The following MYO1E variants were observed in gnomAD, a reference collection of about 807,000 sequenced individuals.
The protein encoded by MYO1E is unconventional myosin-Ie.
Under a neutral mutation model 151.1 loss-of-function variants are expected in MYO1E, and 68 were observed. The ratio of observed to expected loss-of-function variants is 0.45; its 90% CI spans 0.37 to 0.55. The LOEUF (loss-of-function observed/expected upper bound fraction) is 0.55, where lower values mean the gene tolerates loss of function less well. MYO1E is among the 20% of genes least tolerant of loss of function. The pLI, the probability that MYO1E is intolerant of heterozygous loss-of-function variation, is 0.00. For missense variants in MYO1E, 1,363 were observed against 1,389.3 expected, an observed-to-expected ratio of 0.98 and a Z score of 0.30; for synonymous variants, 601 against 501.7, an observed-to-expected ratio of 1.20 and a Z score of -2.64.
At chr15:59,236,352 G>GAAA (rs57488716) in intron 5 of MYO1E, among the ~76,000 whole-genome samples, 2,478 of 116,624 alleles carry the variant, frequency 0.021, 278 homozygotes, top group Non-Finnish European at 0.029. Context: ...TCTCAAAAAA[G>GAAA]AAAAAAAAAA....
chr15:59,170,594 A>AG (rs1452561080), intron 22 of MYO1E, among the ~76,000 whole-genome samples: 1 of 152,144 alleles, frequency 6.6e-6, no homozygotes, highest in Admixed American at 6.5e-5. Context: ...CTTTAAAAAA[A>AG]AAACAAAAAA....
At chr15:59,139,619 G>T (rs114066441) in intron 26 of MYO1E, among the ~76,000 whole-genome samples, 2,169 of 138,574 alleles carry the variant, frequency 0.016, 50 homozygotes, top group Middle Eastern at 0.056. Context: ...TCTGCAGACG[G>T]CCCTCCTACC....
intron 4 of MYO1E, among the ~76,000 whole-genome samples, chr15:59,250,475 A>C (rs1052694092): frequency 2.6e-5 from 4 of 152,108 alleles, no homozygotes; most frequent in African/African-American, 7.2e-5. Context: ...GAAAACCAGA[A>C]ACTCCACCTC....
intron 1 of MYO1E, among the ~76,000 whole-genome samples, chr15:59,322,706 T>C (rs1387125105): frequency 6.6e-6 from 1 of 152,202 alleles, no homozygotes; most frequent in Admixed American, 6.5e-5. Flanking sequence ...ACAGATTGTA[T>C]TGATTCTAAA....
At chr15:59,157,950 A>T (rs566171564) in intron 25 of MYO1E, among the ~76,000 whole-genome samples, 64 of 152,336 alleles carry the variant, frequency 4.2e-4, no homozygotes, top group Admixed American at 1.5e-3. Context: ...TCCTATTTCC[A>T]TAAAGCAGCA....
At chr15:59,178,690 A>G (rs564253124) in intron 18 of MYO1E, among the ~76,000 whole-genome samples, 153 bp from the exon 19 acceptor site, 7 of 152,350 alleles carry the variant, frequency 4.6e-5, no homozygotes, top group Admixed American at 1.3e-4. Context: ...TCAGGCGTGG[A>G]CTGCGATGAC....
chr15:59,327,947 A>G (rs2080675581), intron 1 of MYO1E, among the ~76,000 whole-genome samples: 1 of 152,204 alleles, frequency 6.6e-6, no homozygotes, highest in Non-Finnish European at 1.5e-5. Flanking sequence ...CGTTTGCCAC[A>G]TTGACACCCT....
intron 23 of MYO1E, 70 bp from the exon 24 acceptor site, chr15:59,161,300 A>G: frequency 6.6e-7 from 1 of 1,525,634 alleles, no homozygotes; most frequent in Non-Finnish European, 9.0e-7. Flanking sequence ...AGATCCCGCC[A>G]CGGAGTTCTG....
intron 1 of MYO1E, among the ~76,000 whole-genome samples, chr15:59,317,764 T>G (rs755176148): frequency 1.1e-4 from 17 of 152,070 alleles, no homozygotes; most frequent in Admixed American, 2.6e-4. Flanking sequence ...AGATGAGCAA[T>G]GGAAGAAGAG....
intron 1 of MYO1E, among the ~76,000 whole-genome samples, chr15:59,314,815 A>T (rs534974274): frequency 2.0e-5 from 3 of 152,028 alleles, no homozygotes; most frequent in Non-Finnish European, 4.4e-5. Context: ...CAGCAGTGTC[A>T]ATGTTGTAAA....
At chr15:59,367,002 A>C (rs371632431) in intron 1 of MYO1E, among the ~76,000 whole-genome samples, 62,443 of 112,750 alleles carry the variant, frequency 0.55, 15,766 homozygotes, top group South Asian at 0.68. Context: ...TTTCGCAAAA[A>C]AAAAAAAAAA....
At chr15:59,334,622 G>A (rs1416993121) in intron 1 of MYO1E, among the ~76,000 whole-genome samples, 4 of 152,142 alleles carry the variant, frequency 2.6e-5, no homozygotes, top group Non-Finnish European at 4.4e-5. Context: ...GACCAAAGTA[G>A]AATCAGATGG....
At chr15:59,256,635 T>C (rs1215283596) in intron 3 of MYO1E, among the ~76,000 whole-genome samples, 1 of 152,164 alleles carries the variant, frequency 6.6e-6, no homozygotes, top group African/African-American at 2.4e-5. Context: ...GGCATATCCA[T>C]GATTCAGCCT....
intron 1 of MYO1E, among the ~76,000 whole-genome samples, chr15:59,295,939 T>A (rs968443813): frequency 2.0e-5 from 3 of 151,884 alleles, no homozygotes; most frequent in African/African-American, 7.3e-5. Flanking sequence ...GTGTGCTCAA[T>A]CTCGCCTACT....
intron 1 of MYO1E, among the ~76,000 whole-genome samples, chr15:59,301,031 C>T (rs1198384742): frequency 6.6e-6 from 1 of 151,966 alleles, no homozygotes; most frequent in Non-Finnish European, 1.5e-5. Flanking sequence ...CCATACCTGG[C>T]TAATTTTTGT....
At chr15:59,357,170 TG>T (rs764412362) in intron 1 of MYO1E, among the ~76,000 whole-genome samples, 4 of 151,938 alleles carry the variant, frequency 2.6e-5, no homozygotes, top group Non-Finnish European at 5.9e-5. Flanking sequence ...CCTCTCAAAG[TG>T]CTGGGATTAC....
rs752407519 is a variant in MYO1E, at chr15:59,217,881, T to C, written c.1107+10A>G. On this transcript the variant is annotated intron_variant, in intron 10 of 27. Coordinates refer to ENST00000288235, the MANE Select transcript of MYO1E (RefSeq NM_004998.4). ...ATGAAGCATCACCAGCATCAACTTC[T>C]GTTACTTACATCTACCAAGAAATCA... 2.5e-6 allele frequency: 4 copies of C among 1,613,834 alleles called. No homozygotes were observed.
At chr15:59,143,593 T>C (rs778940888) in intron 26 of MYO1E, among the ~76,000 whole-genome samples, 6 of 152,170 alleles carry the variant, frequency 3.9e-5, no homozygotes, top group Non-Finnish European at 7.4e-5. Flanking sequence ...CCGGTAGCTG[T>C]GTGAAGTCTG....
intron 22 of MYO1E, among the ~76,000 whole-genome samples, chr15:59,165,872 G>A (rs1300183431): frequency 1.3e-5 from 2 of 152,216 alleles, no homozygotes; most frequent in African/African-American, 2.4e-5. Context: ...GGAATGAAAC[G>A]CCTTCCTGTT....
Sources: allele counts gnomAD v4.1 joint callset (sites outside exome capture counted in the v4.1 genomes callset), GRCh38; gene constraint gnomAD v4.1.1; transcripts MANE v1.5; gene names NCBI Gene and HGNC (gene_info 2026-07-23, HGNC 2026-07-21).